The following AKAP6 variants were observed in gnomAD, a reference collection of about 807,000 sequenced individuals.
AKAP6 encodes A-kinase anchoring protein 6, also known as A-kinase anchor protein 6.
In AKAP6, 58 loss-of-function variants were observed where a neutral mutation model predicts 188.5. The observed-to-expected ratio is 0.31, with a 90% CI of 0.25 to 0.38. The LOEUF (loss-of-function observed/expected upper bound fraction) is 0.38, where lower values mean the gene tolerates loss of function less well. Ranked by LOEUF, AKAP6 falls within the 10% of genes least tolerant of loss-of-function variation. AKAP6 has a pLI of 1.00. For missense variants in AKAP6, 2,710 were observed against 2,740.0 expected (o/e 0.99, Z 0.24); for synonymous variants, 989 against 998.6 (o/e 0.99, Z 0.18).
intron 4 of AKAP6, among the ~76,000 whole-genome samples, chr14:32,548,381 C>T (rs1399356927): frequency 1.3e-5 from 2 of 151,472 alleles, no homozygotes; most frequent in African/African-American, 2.4e-5. Context: ...GGATTACAGG[C>T]GTGAGCCACT....
At chr14:32,538,479 T>C (rs1331939879) in intron 3 of AKAP6, among the ~76,000 whole-genome samples, 1 of 152,268 alleles carries the variant, frequency 6.6e-6, no homozygotes, top group East Asian at 1.9e-4. Flanking sequence ...GAGTGGCAAA[T>C]TCCATCTTCT....
intron 1 of AKAP6, among the ~76,000 whole-genome samples, chr14:32,354,583 A>G (rs1305406825): frequency 1.3e-5 from 2 of 152,090 alleles, no homozygotes; most frequent in African/African-American, 4.8e-5. Context: ...AACTTATCCT[A>G]TTGCTCTGGC....
chr14:32,448,466 CAGTT>C (rs1195498820), intron 2 of AKAP6, among the ~76,000 whole-genome samples: 1 of 152,182 alleles, frequency 6.6e-6, no homozygotes, highest in East Asian at 1.9e-4. Context: ...TGAATTATCT[CAGTT>C]AATCTTTAAA....
At chr14:32,431,895 A>G (rs1254437150) in intron 1 of AKAP6, among the ~76,000 whole-genome samples, 1 of 152,224 alleles carries the variant, frequency 6.6e-6, no homozygotes, top group Non-Finnish European at 1.5e-5. Flanking sequence ...AAAGATTCTG[A>G]AAAAATATGT....
chr14:32,477,484 A>G (rs61982981), intron 2 of AKAP6, among the ~76,000 whole-genome samples: 40,708 of 151,918 alleles, frequency 0.27, 5,915 homozygotes, highest in Non-Finnish European at 0.31. Flanking sequence ...GAAAGCTGAG[A>G]TTGGGGTTCG....
At chr14:32,825,106 G>A (rs2034642227) in intron 13 of AKAP6, among the ~76,000 whole-genome samples, 1 of 152,090 alleles carries the variant, frequency 6.6e-6, no homozygotes, top group Non-Finnish European at 1.5e-5. Flanking sequence ...TTCTTCCATT[G>A]AGGGAGAATA....
At chr14:32,660,862 A>T (rs1474055361) in intron 7 of AKAP6, among the ~76,000 whole-genome samples, 2 of 150,634 alleles carry the variant, frequency 1.3e-5, no homozygotes, top group Non-Finnish European at 3.0e-5. Context: ...CTTTTCTGGG[A>T]CCTAGATAAA....
At position 32,823,601 on chromosome 14, in the gene AKAP6, A is replaced by T; in HGVS notation, c.5788A>T (p.Ser1930Cys). 1 of 1,613,912 alleles carries T rather than the reference A, an allele frequency of 6.2e-7. No individual in the cohort carries two copies. The highest frequency in any genetic ancestry group is 2.2e-5 in the East Asian group (1 of 44,864). ...LGSHGKEISE[S>C]EHCKCKALMD... Reference sequence around the variant, plus strand: ...TTCACATGGGAAAGAGATTTCAGAGAGTGAGCATTGTAAGTGTAAAGCACT... The same window carrying T: ...TTCACATGGGAAAGAGATTTCAGAGTGTGAGCATTGTAAGTGTAAAGCACT... Residue 1930 changes from serine (S) to cysteine (C), a missense_variant, in exon 13 of 14, where the codon AGT (serine) becomes TGT (cysteine). Coordinates refer to ENST00000280979, the MANE Select transcript of AKAP6 (RefSeq NM_004274.5).
At chr14:32,589,752 T>TCCCCGGCATTC (rs1885405499) in intron 5 of AKAP6, among the ~76,000 whole-genome samples, 1 of 152,224 alleles carries the variant, frequency 6.6e-6, no homozygotes, top group Non-Finnish European at 1.5e-5. Flanking sequence ...ATGATTGTTT[T>TCCCCGGCATTC]TAATTAGAAT....
At position 32,768,955 on chromosome 14, in the gene AKAP6, T is replaced by C. The variant is rs910359092; in HGVS notation, c.3373-4723T>C. On this transcript the variant is annotated intron_variant, in intron 11 of 13. Coordinates refer to ENST00000280979, the MANE Select transcript of AKAP6 (RefSeq NM_004274.5). Reference sequence around the variant, plus strand: ...ACCCTTGTTGTAGAAAATCTGGTCATAGGTAGCAGACAAAGAGGAGACAGC... The same window carrying C: ...ACCCTTGTTGTAGAAAATCTGGTCACAGGTAGCAGACAAAGAGGAGACAGC... 2.0e-5 allele frequency among the ~76,000 whole-genome samples: 3 copies of C among 149,926 alleles called. No individual in the cohort carries two copies. The Admixed American group carries it at 2.0e-4, about 10-fold the overall frequency.
chr14:32,822,570 G>A lies in AKAP6; in HGVS notation c.4757G>A (p.Gly1586Asp), dbSNP rs749051317. ...TTTGGATTGGGCATCTTTAAAAATG[G>A]CAGTGACAGCCTCCAGCGAAGCACT... is the stretch of plus-strand genomic sequence containing the variant. ...DLFGLGIFKN[G>D]SDSLQRSTSL... The change falls in exon 13 of 14, where the codon GGC (glycine) becomes GAC (aspartate). Residue 1586 changes from glycine to aspartate, a missense_variant. Physicochemically the swap from Gly to Asp is moderately conservative, Grantham distance 94 (BLOSUM62 -1). Around this residue, in one of 2 missense-constraint regions of AKAP6, gnomAD observed 2,473 missense variants for 2,426.1 expected, o/e 1.02. Transcript: ENST00000280979. 1.9e-6 allele frequency: 3 copies of A among 1,613,766 alleles called. No homozygotes were observed. The highest frequency in any genetic ancestry group is 2.2e-5 in the South Asian group (2 of 91,068).
At chr14:32,563,803 G>A (rs750982591) in intron 4 of AKAP6, among the ~76,000 whole-genome samples, 20 of 152,122 alleles carry the variant, frequency 1.3e-4, no homozygotes, top group Non-Finnish European at 2.8e-4. Flanking sequence ...TTTAGTTAAT[G>A]TACTTCTTTG....
intron 11 of AKAP6, among the ~76,000 whole-genome samples, chr14:32,764,393 G>C (rs1174170106): frequency 6.6e-6 from 1 of 152,138 alleles, no homozygotes; most frequent in Non-Finnish European, 1.5e-5. Context: ...CTCTAAAAAG[G>C]TTCAATCTCC....
At chr14:32,770,336 A>G (rs1232588898) in intron 11 of AKAP6, among the ~76,000 whole-genome samples, 1 of 152,216 alleles carries the variant, frequency 6.6e-6, no homozygotes, top group Non-Finnish European at 1.5e-5. Context: ...AGGTAAATAT[A>G]AAAGCACTTG....
chr14:32,476,916 G>A (rs1285982618), intron 2 of AKAP6, among the ~76,000 whole-genome samples: 1 of 152,188 alleles, frequency 6.6e-6, no homozygotes, highest in East Asian at 1.9e-4. Flanking sequence ...TTATACATTG[G>A]TTTGGCCTAA....
At chr14:32,799,549 A>G (rs2033875065) in intron 12 of AKAP6, among the ~76,000 whole-genome samples, 1 of 152,072 alleles carries the variant, frequency 6.6e-6, no homozygotes, top group African/African-American at 2.4e-5. Context: ...TAAATTTTTT[A>G]TTGAGACTTC....
chr14:32,658,820 T>C (rs11627566), intron 7 of AKAP6, among the ~76,000 whole-genome samples: 50,522 of 151,406 alleles, frequency 0.33, 9,964 homozygotes, highest in East Asian at 0.85. Context: ...CTTTCTTGTT[T>C]ACTGGCCAAA....
At chr14:32,533,326 G>T (rs1344514465) in intron 2 of AKAP6, among the ~76,000 whole-genome samples, 2 of 152,196 alleles carry the variant, frequency 1.3e-5, no homozygotes, top group African/African-American at 4.8e-5. Context: ...AAGGGTGTTA[G>T]TATGAGAGTG....
intron 9 of AKAP6, among the ~76,000 whole-genome samples, chr14:32,709,186 C>T (rs1890937290): frequency 6.6e-6 from 1 of 151,970 alleles, no homozygotes; most frequent in African/African-American, 2.4e-5. Context: ...TTTCTGTTTA[C>T]AAAAAGATCC....
Sources: allele counts gnomAD v4.1 joint callset (sites outside exome capture counted in the v4.1 genomes callset), GRCh38; gene constraint gnomAD v4.1.1; regional missense constraint gnomAD v4.1.1; transcripts MANE v1.5; gene names NCBI Gene and HGNC (gene_info 2026-07-23, HGNC 2026-07-21).